The following LRP5 variants were observed in gnomAD, a reference collection of about 807,000 sequenced individuals.
LRP5 encodes low-density lipoprotein receptor-related protein 5.
Under a neutral mutation model 154.1 loss-of-function variants are expected in LRP5, and 62 were observed. That is an observed-to-expected ratio of 0.40 (90% CI 0.33 to 0.50). LRP5 has a LOEUF of 0.50. LRP5 is among the 20% of genes least tolerant of loss of function. The pLI is 0.55. For synonymous variants in LRP5, 966 were observed against 1,011.5 expected (o/e 0.96, Z 0.85); for missense variants, 1,915 against 2,336.7 (o/e 0.82, Z 3.72).
chr11:68,424,828 T>C (rs1425593456), intron 14 of LRP5, among the ~76,000 whole-genome samples: 1 of 152,214 alleles, frequency 6.6e-6, no homozygotes, highest in Non-Finnish European at 1.5e-5. Context: ...GACACTTCAG[T>C]TGGATTTAGG....
the LRP5 span, among the ~76,000 whole-genome samples, chr11:68,300,317 G>A: frequency 6.7e-6 from 1 of 149,264 alleles, no homozygotes; most frequent in African/African-American, 2.4e-5. Context: ...ACAAGGGAGG[G>A]GATTAGCCTG....
intron 8 of LRP5, among the ~76,000 whole-genome samples, chr11:68,404,834 G>T (rs1429487706): frequency 6.6e-6 from 1 of 151,930 alleles, no homozygotes; most frequent in African/African-American, 2.4e-5. Context: ...GCCGGGTGCG[G>T]TGGCAGGCGC....
intron 1 of LRP5, among the ~76,000 whole-genome samples, chr11:68,347,020 C>T (rs968753003): frequency 6.6e-6 from 1 of 152,126 alleles, no homozygotes; most frequent in African/African-American, 2.4e-5. Context: ...CTGAGGGCTG[C>T]GGTGCAGAGG....
chr11:68,381,816 C>T (rs2098640386), intron 5 of LRP5, among the ~76,000 whole-genome samples: 1 of 152,252 alleles, frequency 6.6e-6, no homozygotes. Flanking sequence ...ACCTGCCCCT[C>T]CCAACCCCAG....
intron 1 of LRP5, among the ~76,000 whole-genome samples, chr11:68,338,441 T>C (rs1219860143): frequency 6.6e-6 from 1 of 152,182 alleles, no homozygotes; most frequent in Non-Finnish European, 1.5e-5. Context: ...GCACTTGGGT[T>C]TTCAAACTCC....
intron 1 of LRP5, among the ~76,000 whole-genome samples, chr11:68,319,068 C>A (rs2098595184): frequency 6.8e-6 from 1 of 146,158 alleles, no homozygotes; most frequent in African/African-American, 2.5e-5. Context: ...GTGCCTGGCT[C>A]CTTGTTTTTT....
intron 1 of LRP5, among the ~76,000 whole-genome samples, chr11:68,343,507 G>A (rs11603423): frequency 0.1 from 15,735 of 152,136 alleles, 1,093 homozygotes; most frequent in Admixed American, 0.24. Context: ...GGGGGCCCTC[G>A]CCACAGGAGC....
intron 5 of LRP5, among the ~76,000 whole-genome samples, chr11:68,385,149 A>C (rs2098642297): frequency 6.6e-6 from 1 of 152,206 alleles, no homozygotes; most frequent in Admixed American, 6.5e-5. Context: ...ATTTGAGACC[A>C]GAATCACCTG....
intron 5 of LRP5, among the ~76,000 whole-genome samples, chr11:68,376,589 C>G (rs2098637490): frequency 6.6e-6 from 1 of 152,324 alleles, no homozygotes; most frequent in Non-Finnish European, 1.5e-5. Context: ...TGGCCGGCCC[C>G]CAAGGCCTTC....
intron 7 of LRP5, 79 bp from the exon 8 acceptor site, chr11:68,403,404 A>G: frequency 7.8e-7 from 1 of 1,290,260 alleles, no homozygotes. Flanking sequence ...GGGGCAGCTC[A>G]GGCCCCAGGC....
chr11:68,373,394 G>GGT (rs1365319998), intron 5 of LRP5, among the ~76,000 whole-genome samples: 2 of 152,094 alleles, frequency 1.3e-5, no homozygotes, highest in Non-Finnish European at 2.9e-5. Flanking sequence ...GGTGGCGGGG[G>GGT]GGGCCCCGCA....
the LRP5 span, among the ~76,000 whole-genome samples, chr11:68,300,034 C>T: frequency 1.3e-5 from 2 of 148,150 alleles, no homozygotes; most frequent in African/African-American, 4.9e-5. Flanking sequence ...AGTAGCTAGC[C>T]ACCATGCCCA....
intron 18 of LRP5, among the ~76,000 whole-genome samples, chr11:68,434,395 TTC>T (rs367860156): frequency 0.08 from 10,803 of 134,674 alleles, 442 homozygotes; most frequent in Middle Eastern, 0.17. Context: ...CATTCATTCA[TTC>T]GAGACAGAGT....
chr11:68,415,500 C>T (rs759667171), intron 12 of LRP5, among the ~76,000 whole-genome samples: 6 of 152,158 alleles, frequency 3.9e-5, no homozygotes, highest in Non-Finnish European at 8.8e-5. Context: ...TATCCCAGCA[C>T]TTTGGGAGGC....
intron 8 of LRP5, chr11:68,404,174 C>T (rs181462009): frequency 4.5e-6 from 2 of 447,728 alleles, no homozygotes; most frequent in East Asian, 9.0e-5. Context: ...TCAGGACGCT[C>T]CCCGAGGAGG....
At chr11:68,430,334 C>T (rs1464800658) in intron 17 of LRP5, among the ~76,000 whole-genome samples, 1 of 152,130 alleles carries the variant, frequency 6.6e-6, no homozygotes, top group African/African-American at 2.4e-5. Context: ...CCACCATACC[C>T]AGCTAATTTT....
intron 1 of LRP5, among the ~76,000 whole-genome samples, chr11:68,334,707 T>C (rs2098604688): frequency 6.6e-6 from 1 of 152,080 alleles, no homozygotes; most frequent in Admixed American, 6.6e-5. Context: ...AAACTCCGTC[T>C]CTACTAAAAA....
Position 68,413,198 on chromosome 11 carries a change from C to A in LRP5, c.2504-491C>A. 2 of 253,118 alleles carry A rather than the reference C, an allele frequency of 7.9e-6. No individual in the cohort carries two copies. The highest frequency in any genetic ancestry group is 1.6e-5 in the Non-Finnish European group (2 of 128,922). The allele number at this position is 253,118 out of a possible 1,614,324, so 15.7% of individuals were successfully genotyped here. A position where few individuals can be genotyped will look rare whatever the true frequency, so the allele number is the denominator to read the frequency against. On this transcript the variant is annotated intron_variant, in intron 11 of 22. Coordinates refer to ENST00000294304, the MANE Select transcript of LRP5 (RefSeq NM_002335.4). This position sits in a 1 kb window ranked among gnomAD's most constrained non-coding sequence, Gnocchi z 5.1. Reference sequence around the variant, plus strand: ...AAATGATTAAGCTCATTAATCACCCCGGAGTGAGGACAGACTCAGATGAAA... The same window carrying A: ...AAATGATTAAGCTCATTAATCACCCAGGAGTGAGGACAGACTCAGATGAAA...
chr11:68,433,926 T>TGAGTG, intron 18 of LRP5, 88 bp downstream of exon 18: 1 of 1,288,784 alleles, frequency 7.8e-7, no homozygotes, highest in East Asian at 2.5e-5. Context: ...CTCACAGGAG[T>TGAGTG]AGGGGCTCTG....
Sources: gnomAD v4.1 joint callset for allele counts (sites outside exome capture counted in the v4.1 genomes callset) on GRCh38, gnomAD v4.1.1 for gene constraint, Gnocchi (gnomAD v3.1) non-coding constraint, MANE v1.5 for transcripts, NCBI Gene and HGNC (gene_info 2026-07-23, HGNC 2026-07-21) for gene names.